Variants in OSBPL9 observed in about 807,000 individuals in gnomAD.
OSBPL9 encodes the protein oxysterol binding protein like 9, also known as oxysterol-binding protein-related protein 9.
In OSBPL9, 40 loss-of-function variants were observed where a neutral mutation model predicts 106.6. That is an observed-to-expected ratio of 0.38 (90% confidence interval 0.29 to 0.49). The LOEUF (loss-of-function observed/expected upper bound fraction) is 0.49. OSBPL9 is among the 20% of genes least tolerant of loss of function. OSBPL9 has a pLI of 0.97. For missense variants in OSBPL9, 609 were observed against 887.2 expected (o/e 0.69, Z 3.98); for synonymous variants, 269 against 295.4 (o/e 0.91, Z 0.92).
At chr1:51,726,387 A>C (rs1363978592) in intron 4 of OSBPL9, among the ~76,000 whole-genome samples, 1 of 152,140 alleles carries the variant, frequency 6.6e-6, no homozygotes, top group African/African-American at 2.4e-5. Context: ...CTGAAGTCTC[A>C]CCTAATTTGG....
chr1:51,600,459 C>T (rs1645321133), intron 2 of OSBPL9, among the ~76,000 whole-genome samples: 1 of 152,170 alleles, frequency 6.6e-6, no homozygotes. Context: ...ATATTTATGA[C>T]TGCATCAGCA....
At chr1:51,707,804 C>G (rs1658921789) in intron 3 of OSBPL9, 1 of 174,096 alleles carries the variant, frequency 5.7e-6, no homozygotes, top group Non-Finnish European at 1.2e-5. Context: ...TTTTGGCTCT[C>G]CCCTCTAAGT....
intron 2 of OSBPL9, among the ~76,000 whole-genome samples, chr1:51,611,013 T>C (rs1428792534): frequency 1.3e-5 from 2 of 152,056 alleles, no homozygotes; most frequent in Non-Finnish European, 2.9e-5. Flanking sequence ...TGAAGGAGGG[T>C]GTTTGTAAAA....
chr1:51,533,253 G>A, the OSBPL9 span, among the ~76,000 whole-genome samples: 1 of 152,022 alleles, frequency 6.6e-6, no homozygotes, highest in Admixed American at 6.6e-5. Context: ...AGGCTGAGGT[G>A]GGTGGATTGG....
At chr1:51,777,634 A>ATT (rs34186845) in intron 15 of OSBPL9, among the ~76,000 whole-genome samples, 28 of 149,990 alleles carry the variant, frequency 1.9e-4, no homozygotes, top group South Asian at 4.2e-4. Flanking sequence ...ATAAATATAT[A>ATT]TTTTTTTTTT....
intron 1 of OSBPL9, among the ~76,000 whole-genome samples, chr1:51,619,626 ATTG>A (rs761377255): frequency 6.6e-6 from 1 of 152,172 alleles, no homozygotes; most frequent in Non-Finnish European, 1.5e-5. Flanking sequence ...ACAACAGACA[ATTG>A]TTGTACCATC....
At chr1:51,544,210 G>T in the OSBPL9 span, among the ~76,000 whole-genome samples, 3 of 152,176 alleles carry the variant, frequency 2.0e-5, no homozygotes, top group African/African-American at 7.2e-5. Context: ...GAGAGAAGAT[G>T]TGAAGCTAGC....
At chr1:51,616,812 G>C, upstream of OSBPL9, 1 of 278,122 alleles carries the variant, frequency 3.6e-6, no homozygotes, top group East Asian at 8.4e-5. Flanking sequence ...AGGTATCATG[G>C]CCAGTAAAAT....
intron 1 of OSBPL9, among the ~76,000 whole-genome samples, chr1:51,633,317 A>C (rs7552112): frequency 0.05 from 7,565 of 151,164 alleles, 430 homozygotes; most frequent in African/African-American, 0.14. Flanking sequence ...ACACCTGTAA[A>C]CCTAGCACTT....
chr1:51,635,937 G>A (rs1645406611), intron 1 of OSBPL9, among the ~76,000 whole-genome samples: 1 of 151,910 alleles, frequency 6.6e-6, no homozygotes, highest in South Asian at 2.1e-4. Flanking sequence ...CTGATGTGTG[G>A]CTATTTATAA....
At chr1:51,731,484 C>T (rs866337559) in intron 4 of OSBPL9, among the ~76,000 whole-genome samples, 2 of 151,728 alleles carry the variant, frequency 1.3e-5, no homozygotes, top group Non-Finnish European at 2.9e-5. Context: ...AAAAGGCGGG[C>T]GCAGTAGCTC....
At position 51,783,964 on chromosome 1, in the gene OSBPL9, T is replaced by C; in HGVS notation, c.1563T>C (p.Ala521=). 4 of 1,614,058 alleles carry C rather than the reference T, an allele frequency of 2.5e-6. No individual in the cohort carries two copies. Among genetic ancestry groups the C allele is most frequent in the Non-Finnish European group, 3.4e-6 (4 of 1,179,924 alleles). The change falls in exon 18 of 24, where the codon GCT becomes GCC. Residue 521 remains alanine, a synonymous_variant. Transcript: ENST00000428468. ...ECFNKKIQFN[A]HIWTKSKFLG... The stretch of plus-strand genomic sequence containing the variant: ...TTAACAAGAAGATACAATTCAATGC[T>C]CATATCTGGACCAAATCAAAATTCC...
intron 3 of OSBPL9, among the ~76,000 whole-genome samples, chr1:51,705,475 G>A (rs1487601871): frequency 6.1e-5 from 8 of 132,118 alleles, no homozygotes; most frequent in South Asian, 2.5e-4. Context: ...GTGCAATGGC[G>A]TGATCTCAGC....
At chr1:51,662,106 T>C (rs1216907584) in intron 2 of OSBPL9, among the ~76,000 whole-genome samples, 8 of 152,104 alleles carry the variant, frequency 5.3e-5, no homozygotes, top group East Asian at 1.9e-4. Flanking sequence ...AGAAGAACCA[T>C]TGGTGTGGTA....
chr1:51,579,287 TTGAG>T (rs1484940091), intron 1 of OSBPL9, among the ~76,000 whole-genome samples: 1 of 152,140 alleles, frequency 6.6e-6, no homozygotes, highest in Non-Finnish European at 1.5e-5. Context: ...TAAATACTAC[TTGAG>T]TATTTGTGTG....
At position 51,788,838 on chromosome 1, in the gene OSBPL9, ATATC is replaced by A. The variant is rs72343545; in HGVS notation, c.*1066_*1069del. On this transcript the variant is annotated 3_prime_UTR_variant, in exon 24 of 24. Coordinates refer to ENST00000428468, the MANE Select transcript of OSBPL9 (RefSeq NM_024586.6). ...TCATTCTGAAGGGAAATACAGAACT[ATATC>A]TATCTATCTATCTATCATCTTTTTT... Among the ~76,000 whole-genome samples the A allele has an allele frequency of 0.14, 20,845 of 151,974 alleles. 1,535 individuals carry two copies. The highest frequency in any genetic ancestry group is 0.22 in the Middle Eastern group (63 of 292).
chr1:51,547,048 G>A, the OSBPL9 span, among the ~76,000 whole-genome samples: 5 of 152,186 alleles, frequency 3.3e-5, no homozygotes, highest in Non-Finnish European at 7.3e-5. Context: ...GAACTCTGGT[G>A]GGTGTATGGA....
intron 14 of OSBPL9, among the ~76,000 whole-genome samples, chr1:51,772,995 G>A (rs966234001): frequency 3.9e-5 from 6 of 152,126 alleles, no homozygotes; most frequent in African/African-American, 1.4e-4. Flanking sequence ...CTGTGTTTTC[G>A]TCCTACCTCT....
At chr1:51,558,108 C>T in the OSBPL9 span, among the ~76,000 whole-genome samples, 1 of 152,018 alleles carries the variant, frequency 6.6e-6, no homozygotes, top group Non-Finnish European at 1.5e-5. Context: ...GTGAAACCCC[C>T]TCTCTACTAA....
Sources: allele counts gnomAD v4.1 joint callset (sites outside exome capture counted in the v4.1 genomes callset), GRCh38; gene constraint gnomAD v4.1.1; transcripts MANE v1.5; gene names NCBI Gene and HGNC (gene_info 2026-07-23, HGNC 2026-07-21).